Variants in TMEM200A observed in about 807,000 individuals in gnomAD.
TMEM200A encodes the protein two transmembrane C.
A neutral mutation model predicts 24.3 loss-of-function variants in TMEM200A; 12 were observed. The observed-to-expected ratio is 0.49, with a 90% CI of 0.32 to 0.80. The LOEUF (loss-of-function observed/expected upper bound fraction) is 0.80, where lower values mean the gene tolerates loss of function less well. Ranked by LOEUF, TMEM200A falls within the 30% of genes least tolerant of loss-of-function variation. The probability of loss-of-function intolerance (pLI) is 0.04; values close to 1 mark genes in which losing one functional copy is unlikely to be tolerated. For missense variants in TMEM200A, 545 were observed against 614.4 expected, an observed-to-expected ratio of 0.89 and a Z score of 1.19; for synonymous variants, 224 against 224.4, an observed-to-expected ratio of 1.00 and a Z score of 0.02.
chr6:130,428,012 T>G (rs996259630), intron 2 of TMEM200A, among the ~76,000 whole-genome samples: 1 of 152,162 alleles, frequency 6.6e-6, no homozygotes, highest in Non-Finnish European at 1.5e-5. Flanking sequence ...TAGAAAGTGG[T>G]AGGGTGTATG....
intron 1 of TMEM200A, among the ~76,000 whole-genome samples, chr6:130,372,994 G>T (rs1180333637): frequency 6.6e-6 from 1 of 152,308 alleles, no homozygotes; most frequent in Admixed American, 6.5e-5. Context: ...ATGGTGAATA[G>T]GAGTAGGCTC....
rs895045344 is a variant in TMEM200A at position 130,441,970 on chromosome 6, G to A, written c.*72G>A. The A allele has an allele frequency of 7.2e-7, 1 of 1,398,294 alleles. No homozygotes were observed. Among genetic ancestry groups the A allele is most frequent in the Non-Finnish European group, 9.6e-7 (1 of 1,036,292 alleles). The allele number at this position is 1,398,294 out of a possible 1,614,324, so 86.6% of individuals were successfully genotyped here. A position where few individuals can be genotyped will look rare whatever the true frequency, so the allele number is the denominator to read the frequency against. On this transcript the variant is annotated 3_prime_UTR_variant, in exon 3 of 3. Coordinates refer to ENST00000296978, the MANE Select transcript of TMEM200A (RefSeq NM_001258277.2). The stretch of plus-strand genomic sequence containing the variant: ...TTTTCACTGGTGTTTCCTTCTTAAA[G>A]TATTGGCTGTAAGCCTTTTTAATCA...
chr6:130,368,850 C>T (rs916496482), intron 1 of TMEM200A, among the ~76,000 whole-genome samples: 10 of 152,156 alleles, frequency 6.6e-5, no homozygotes, highest in Non-Finnish European at 1.5e-4. Context: ...AATTAGGTGG[C>T]TGTGGGTAAG....
chr6:130,388,279 C>G (rs1387532739), intron 2 of TMEM200A, among the ~76,000 whole-genome samples: 3 of 152,176 alleles, frequency 2.0e-5, no homozygotes, highest in African/African-American at 7.2e-5. Context: ...CTTTCAGATG[C>G]TGTAGGACTC....
intron 2 of TMEM200A, among the ~76,000 whole-genome samples, chr6:130,410,367 A>G (rs944472698): frequency 2.6e-5 from 4 of 152,216 alleles, no homozygotes; most frequent in Admixed American, 6.5e-5. Context: ...AGCTTTTAAC[A>G]TTAACTTTTT....
chr6:130,405,330 A>G (rs1435595457), intron 2 of TMEM200A, among the ~76,000 whole-genome samples: 10 of 151,964 alleles, frequency 6.6e-5, no homozygotes, highest in Non-Finnish European at 1.5e-4. Flanking sequence ...TCTCATTTCT[A>G]TGAGCAGTGG....
chr6:130,375,462 AC>A (rs1355484236), intron 1 of TMEM200A, among the ~76,000 whole-genome samples: 1 of 152,220 alleles, frequency 6.6e-6, no homozygotes, highest in African/African-American at 2.4e-5. Context: ...TCCAGTAATG[AC>A]CAAAACAAAA....
chr6:130,377,219 G>A (rs547478518), intron 1 of TMEM200A, among the ~76,000 whole-genome samples: 4 of 152,312 alleles, frequency 2.6e-5, no homozygotes, highest in African/African-American at 7.2e-5. Flanking sequence ...ACGTTGGGGT[G>A]GCAGTAATGA....
chr6:130,436,434 A>C (rs1780012555), intron 2 of TMEM200A, among the ~76,000 whole-genome samples: 1 of 151,490 alleles, frequency 6.6e-6, no homozygotes, highest in Non-Finnish European at 1.5e-5. Flanking sequence ...AAACAAAAAA[A>C]AACAGTCATA....
At chr6:130,406,759 C>T (rs557523795) in intron 2 of TMEM200A, among the ~76,000 whole-genome samples, 2 of 152,152 alleles carry the variant, frequency 1.3e-5, no homozygotes, top group Non-Finnish European at 2.9e-5. Flanking sequence ...AGTCCTCTCT[C>T]CTTAATTTGT....
At chr6:130,406,485 A>G (rs1479285572) in intron 2 of TMEM200A, among the ~76,000 whole-genome samples, 1 of 152,156 alleles carries the variant, frequency 6.6e-6, no homozygotes, top group Non-Finnish European at 1.5e-5. Flanking sequence ...TGAAATCTAA[A>G]TATATATAGT....
At chr6:130,377,210 C>T (rs62432230) in intron 1 of TMEM200A, among the ~76,000 whole-genome samples, 25,496 of 152,028 alleles carry the variant, frequency 0.17, 2,365 homozygotes, top group East Asian at 0.39. Context: ...CCTGAGTCTA[C>T]GTTGGGGTGG....
At chr6:130,385,152 T>TA (rs1389051511) in intron 1 of TMEM200A, 21 bp from the exon 2 acceptor site, 1 of 152,204 alleles carries the variant, frequency 6.6e-6, no homozygotes, top group African/African-American at 2.4e-5. Flanking sequence ...GCTCACATAA[T>TA]AAAAATTCTT....
chr6:130,404,112 G>A (rs1779152347), intron 2 of TMEM200A, among the ~76,000 whole-genome samples: 1 of 152,028 alleles, frequency 6.6e-6, no homozygotes, highest in South Asian at 2.1e-4. Context: ...CTCTGCTATT[G>A]TGAATACTGC....
In TMEM200A at chr6:130,439,905, T is replaced by G. The variant is rs180861103; in HGVS notation, c.-16-502T>G. Among the ~76,000 whole-genome samples the G allele has an allele frequency of 2.0e-5, 3 of 152,274 alleles. No homozygotes were observed. In the East Asian group the frequency reaches 5.8e-4, roughly 29 times the overall value. On this transcript the variant is annotated intron_variant, in intron 2 of 2. Transcript: ENST00000296978. ...TTTCACAAGAGAGGTCTTAGAACCATGAATTGCTGGAATGTATCCTCTTTG... is the reference window on the plus strand; with the variant it reads ...TTTCACAAGAGAGGTCTTAGAACCAGGAATTGCTGGAATGTATCCTCTTTG...
chr6:130,396,167 T>G (rs947532630), intron 2 of TMEM200A, among the ~76,000 whole-genome samples: 5 of 152,212 alleles, frequency 3.3e-5, no homozygotes, highest in African/African-American at 1.2e-4. Flanking sequence ...ACGTTAGTAT[T>G]TCTAATGCTT....
chr6:130,391,707 A>G (rs1013909184), intron 2 of TMEM200A, among the ~76,000 whole-genome samples: 2 of 121,578 alleles, frequency 1.6e-5, no homozygotes, highest in Non-Finnish European at 3.6e-5. Flanking sequence ...ATCTTATTTC[A>G]CTTCTTTTAA....
intron 2 of TMEM200A, among the ~76,000 whole-genome samples, chr6:130,394,047 A>G (rs1258751617): frequency 6.6e-6 from 1 of 152,180 alleles, no homozygotes; most frequent in East Asian, 1.9e-4. Context: ...TTGAAATAGC[A>G]ACAAATCACA....
intron 1 of TMEM200A, among the ~76,000 whole-genome samples, chr6:130,377,186 G>GAT (rs1178268703): frequency 3.3e-5 from 5 of 152,082 alleles, no homozygotes; most frequent in Non-Finnish European, 5.9e-5. Flanking sequence ...GCAATAAGAT[G>GAT]ATATATGGGA....
Sources: gnomAD v4.1 joint callset for allele counts (sites outside exome capture counted in the v4.1 genomes callset) on GRCh38, gnomAD v4.1.1 for gene constraint, MANE v1.5 for transcripts, NCBI Gene and HGNC (gene_info 2026-07-23, HGNC 2026-07-21) for gene names.